SMYD3: variants seen among roughly 807,000 people sequenced by gnomAD.
SMYD3 encodes histone-lysine N-methyltransferase SMYD3.
In SMYD3, 36 loss-of-function variants were observed where a neutral mutation model predicts 57.7. That is an observed-to-expected ratio of 0.62 (90% CI 0.48 to 0.82). The LOEUF is 0.82. SMYD3 is among the 40% of genes least tolerant of loss of function. The pLI is 0.00. For missense variants in SMYD3, 515 were observed against 538.8 expected, an observed-to-expected ratio of 0.96 and a Z score of 0.44; for synonymous variants, 211 against 195.0, an observed-to-expected ratio of 1.08 and a Z score of -0.68.
chr1:246,125,088 ACAC>A (rs143972434), intron 5 of SMYD3, among the ~76,000 whole-genome samples: 61,017 of 134,512 alleles, frequency 0.45, 17,045 homozygotes, highest in Non-Finnish European at 0.64. Context: ...AAAAAAAAAA[ACAC>A]ACACACACAC....
intron 10 of SMYD3, among the ~76,000 whole-genome samples, chr1:245,817,512 A>T (rs1313105501): frequency 6.6e-6 from 1 of 152,158 alleles, no homozygotes. Context: ...AAAGGAACGC[A>T]GTTCCTCACC....
intron 5 of SMYD3, among the ~76,000 whole-genome samples, chr1:246,004,362 C>T (rs767342183): frequency 1.1e-4 from 17 of 152,164 alleles, no homozygotes; most frequent in Non-Finnish European, 2.5e-4. Flanking sequence ...AATGAATGAG[C>T]ACCAGGGTGA....
intron 1 of SMYD3, among the ~76,000 whole-genome samples, chr1:246,374,625 T>A (rs1424968994): frequency 6.6e-6 from 1 of 152,120 alleles, no homozygotes; most frequent in South Asian, 2.1e-4. Flanking sequence ...CACTGAGGCA[T>A]AAGTTATGGT....
Position 246,327,182 on chromosome 1 carries a change from G to A in SMYD3, c.531+19C>T, listed in dbSNP as rs747295802. ...ATGGTTGATGTATGGAATTAGCAAA[G>A]AGCAAACTTAACACTTACTTTTGCA... On this transcript the variant is annotated intron_variant, in intron 5 of 11. Coordinates refer to ENST00000490107, the MANE Select transcript of SMYD3 (RefSeq NM_001167740.2). 1.2e-6 allele frequency: 2 copies of A among 1,613,632 alleles called. No individual in the cohort carries two copies. The highest frequency in any genetic ancestry group is 1.7e-6 in the Non-Finnish European group (2 of 1,179,892).
intron 1 of SMYD3, among the ~76,000 whole-genome samples, chr1:246,437,774 C>T (rs1280100557): frequency 6.6e-6 from 1 of 151,774 alleles, no homozygotes; most frequent in African/African-American, 2.4e-5. Context: ...TCATTTTTTC[C>T]AGCTGTTGTT....
chr1:246,270,920 T>C (rs1208816322), intron 5 of SMYD3, among the ~76,000 whole-genome samples: 1 of 152,188 alleles, frequency 6.6e-6, no homozygotes, highest in Non-Finnish European at 1.5e-5. Flanking sequence ...GCTATACAGT[T>C]TTACACGTCC....
intron 8 of SMYD3, among the ~76,000 whole-genome samples, chr1:245,875,673 C>T (rs1026993736): frequency 2.3e-4 from 35 of 152,172 alleles, no homozygotes; most frequent in African/African-American, 7.0e-4. Flanking sequence ...GGGAATGCTA[C>T]GATGCCAGTC....
At chr1:245,922,692 T>C (rs564690950) in intron 7 of SMYD3, among the ~76,000 whole-genome samples, 3 of 152,250 alleles carry the variant, frequency 2.0e-5, no homozygotes, top group East Asian at 3.9e-4. Context: ...AAAATCACTA[T>C]GTAGTAAGCA....
intron 5 of SMYD3, among the ~76,000 whole-genome samples, chr1:246,320,410 ATCT>A (rs2065226915): frequency 6.6e-6 from 1 of 152,194 alleles, no homozygotes; most frequent in Non-Finnish European, 1.5e-5. Context: ...AGGAGAGAAC[ATCT>A]TCTCAAACAG....
intron 5 of SMYD3, among the ~76,000 whole-genome samples, chr1:245,960,622 G>A (rs1245936540): frequency 6.6e-6 from 1 of 152,150 alleles, no homozygotes; most frequent in Non-Finnish European, 1.5e-5. Flanking sequence ...AGCTACTGAG[G>A]AGGCTGAGGT....
chr1:246,327,315 A>C lies in SMYD3; in HGVS notation c.417T>G (p.Asp139Glu), dbSNP rs1482052811. The C allele has an allele frequency of 2.5e-6, 4 of 1,612,722 alleles. No individual in the cohort carries two copies. In the African/African-American group the frequency reaches 5.3e-5, roughly 22 times the overall value. The stretch of plus-strand genomic sequence containing the variant: ...CGAGTTGCCTGAGGCCCTCTTTCTT[A>C]TCTTCAGTCAGTTTGTTAATATCTT... The part of the protein sequence containing the change: ...LESNINKLTE[D>E]KKEGLRQLVM... Residue 139 changes from aspartate (D) to glutamate (E), a missense_variant, in exon 5 of 12, where the codon GAT becomes GAG. By Grantham distance (45) the Asp-to-Glu change is conservative. Transcript: ENST00000490107.
At chr1:245,921,904 G>A (rs1435895834) in intron 7 of SMYD3, among the ~76,000 whole-genome samples, 4 of 151,958 alleles carry the variant, frequency 2.6e-5, no homozygotes, top group African/African-American at 9.7e-5. Flanking sequence ...AGGGTGATGG[G>A]ATTCATCACA....
chr1:246,326,347 T>C, intron 5 of SMYD3: 1 of 692,768 alleles, frequency 1.4e-6, no homozygotes, highest in South Asian at 1.6e-5. Context: ...GTTTCTGTCA[T>C]CCCTATCCCA....
chr1:245,860,155 C>G (rs1002945141), intron 9 of SMYD3, among the ~76,000 whole-genome samples: 2 of 140,408 alleles, frequency 1.4e-5, no homozygotes, highest in Admixed American at 1.4e-4. Flanking sequence ...CTCAGTGCCC[C>G]CTTCGTGCCC....
At chr1:246,378,730 T>TATA (rs376137424) in intron 1 of SMYD3, among the ~76,000 whole-genome samples, 25 of 95,336 alleles carry the variant, frequency 2.6e-4, no homozygotes, top group Middle Eastern at 5.7e-3. Context: ...ATATATTATA[T>TATA]ATTATATATA....
intron 5 of SMYD3, among the ~76,000 whole-genome samples, chr1:246,275,211 C>A (rs2064305783): frequency 6.6e-6 from 1 of 152,216 alleles, no homozygotes; most frequent in South Asian, 2.1e-4. Context: ...ACCATCTCTA[C>A]CGAAACTACT....
chr1:246,169,403 A>C (rs1013934184), intron 5 of SMYD3, among the ~76,000 whole-genome samples: 8 of 151,278 alleles, frequency 5.3e-5, no homozygotes, highest in African/African-American at 1.9e-4. Flanking sequence ...AAAAAAAAAA[A>C]ACCTCTAACA....
At chr1:246,101,940 C>T (rs1037719314) in intron 5 of SMYD3, among the ~76,000 whole-genome samples, 1 of 152,196 alleles carries the variant, frequency 6.6e-6, no homozygotes, top group African/African-American at 2.4e-5. Flanking sequence ...TCTCTTTGTT[C>T]GGCCTACGTA....
At chr1:245,785,610 A>G (rs1032106443) in intron 10 of SMYD3, among the ~76,000 whole-genome samples, 1 of 151,994 alleles carries the variant, frequency 6.6e-6, no homozygotes, top group African/African-American at 2.4e-5. Context: ...TTCTTTCAAG[A>G]GACAGGGCAC....
Sources: gnomAD v4.1 joint callset for allele counts (sites outside exome capture counted in the v4.1 genomes callset) on GRCh38, gnomAD v4.1.1 for gene constraint, MANE v1.5 for transcripts, NCBI Gene and HGNC (gene_info 2026-07-23, HGNC 2026-07-21) for gene names.